The following ZDHHC14 variants were observed in gnomAD, a reference collection of about 807,000 sequenced individuals.
The protein encoded by ZDHHC14 is palmitoyltransferase ZDHHC14.
A neutral mutation model predicts 47.7 loss-of-function variants in ZDHHC14; 16 were observed. The observed-to-expected ratio is 0.34, with a 90% CI of 0.23 to 0.51. The LOEUF (loss-of-function observed/expected upper bound fraction) is 0.51, where lower values mean the gene tolerates loss of function less well. ZDHHC14 is among the 20% of genes least tolerant of loss of function. The pLI is 0.97. For synonymous variants in ZDHHC14, 293 were observed against 278.9 expected, an observed-to-expected ratio of 1.05 and a Z score of -0.50; for missense variants, 515 against 662.5, an observed-to-expected ratio of 0.78 and a Z score of 2.44.
chr6:157,495,564 T>C (rs1780042120), intron 1 of ZDHHC14, among the ~76,000 whole-genome samples: 2 of 152,034 alleles, frequency 1.3e-5, no homozygotes, highest in Admixed American at 1.3e-4. Flanking sequence ...AAGGAGGTTG[T>C]TGGATGGCCA....
intron 8 of ZDHHC14, among the ~76,000 whole-genome samples, chr6:157,660,900 A>G (rs1407629221): frequency 6.6e-6 from 1 of 152,240 alleles, no homozygotes; most frequent in East Asian, 1.9e-4. Context: ...TACATGGTCT[A>G]TTCAGAGAAA....
chr6:157,397,695 T>C (rs1777549911), intron 1 of ZDHHC14, among the ~76,000 whole-genome samples: 1 of 152,184 alleles, frequency 6.6e-6, no homozygotes, highest in Non-Finnish European at 1.5e-5. Context: ...GGGATTAGGA[T>C]GTGGATGTTT....
At chr6:157,411,336 G>A (rs1777866124) in intron 1 of ZDHHC14, among the ~76,000 whole-genome samples, 1 of 152,212 alleles carries the variant, frequency 6.6e-6, no homozygotes, top group African/African-American at 2.4e-5. Flanking sequence ...GAGAGTGGGG[G>A]TTGGGGGCTG....
intron 8 of ZDHHC14, 92 bp from the exon 9 acceptor site, chr6:157,672,632 C>CA: frequency 3.5e-5 from 10 of 288,336 alleles, no homozygotes; most frequent in East Asian, 1.3e-4. Context: ...GCACCCCACC[C>CA]TCCCCGCCCG....
At chr6:157,484,375 TAC>T (rs1270524775) in intron 1 of ZDHHC14, among the ~76,000 whole-genome samples, 180 of 146,552 alleles carry the variant, frequency 1.2e-3, no homozygotes, top group African/African-American at 4.4e-3. Flanking sequence ...TACGTATATA[TAC>T]ACACATATAT....
chr6:157,529,596 A>G (rs1210712051), intron 1 of ZDHHC14, among the ~76,000 whole-genome samples: 1 of 152,218 alleles, frequency 6.6e-6, no homozygotes, highest in Admixed American at 6.5e-5. Flanking sequence ...TCAATGAGCG[A>G]CTTTGTCACC....
chr6:157,633,027 G>A lies in ZDHHC14; in HGVS notation c.752+145G>A, dbSNP rs574693654. 1.8e-4 allele frequency: 156 copies of A among 846,960 alleles called. No individual in the cohort carries two copies. In the African/African-American group the frequency reaches 2.2e-3, roughly 12 times the overall value. 52.5% of individuals were successfully genotyped at this position (846,960 alleles called of 1,614,324 possible). ...AGAACTCCCTCAGATTCACTGGCACGAGTAGTAGCTTCTGACTACTTCCAT... is the reference window on the plus strand; with the variant it reads ...AGAACTCCCTCAGATTCACTGGCACAAGTAGTAGCTTCTGACTACTTCCAT... On this transcript the variant is annotated intron_variant, in intron 5 of 8. Coordinates refer to ENST00000359775, the MANE Select transcript of ZDHHC14 (RefSeq NM_024630.3).
In ZDHHC14 at chr6:157,628,464, C is replaced by A; in HGVS notation, c.681C>A (p.Phe227Leu). 1 of 1,612,652 alleles carries A rather than the reference C, an allele frequency of 6.2e-7. No homozygotes were observed. The highest frequency in any genetic ancestry group is 8.5e-7 in the Non-Finnish European group (1 of 1,179,750). Residue 227 changes from phenylalanine (F) to leucine (L), a missense_variant, in exon 4 of 9, where the codon TTC (phenylalanine) becomes TTA (leucine). Physicochemically the swap from Phe to Leu is conservative, Grantham distance 22. Around this residue, in one of 4 missense-constraint regions of ZDHHC14, gnomAD observed 229 missense variants for 351.5 expected, o/e 0.65. Transcript: ENST00000359775. ...TTCTGACAGTCTTTATATTTGCATTCGTTATCACCCACGTCATTCTTCGTA... is the reference window on the plus strand; with the variant it reads ...TTCTGACAGTCTTTATATTTGCATTAGTTATCACCCACGTCATTCTTCGTA... Reference protein sequence around the residue: ...LSFLTVFIFAFVITHVILRSQ... With the variant: ...LSFLTVFIFALVITHVILRSQ...
chr6:157,549,527 T>C (rs1782136561), intron 2 of ZDHHC14, among the ~76,000 whole-genome samples: 1 of 152,108 alleles, frequency 6.6e-6, no homozygotes, highest in Non-Finnish European at 1.5e-5. Flanking sequence ...AAAATGTAGC[T>C]TCCTTGTCTG....
chr6:157,391,416 C>A (rs1777416654), intron 1 of ZDHHC14, among the ~76,000 whole-genome samples: 1 of 152,126 alleles, frequency 6.6e-6, no homozygotes, highest in Non-Finnish European at 1.5e-5. Context: ...GATTCTGACC[C>A]TTTTATACCA....
At chr6:157,533,322 G>A (rs1408980800) in intron 1 of ZDHHC14, among the ~76,000 whole-genome samples, 1 of 152,124 alleles carries the variant, frequency 6.6e-6, no homozygotes, top group African/African-American at 2.4e-5. Context: ...TGTGCCAAGT[G>A]GGGATAAGTG....
chr6:157,438,212 G>T (rs1351945616), intron 1 of ZDHHC14, among the ~76,000 whole-genome samples: 2 of 152,134 alleles, frequency 1.3e-5, no homozygotes, highest in Non-Finnish European at 2.9e-5. Context: ...AGGTTGCTAA[G>T]GTGTCACAAA....
At chr6:157,513,222 G>T (rs1188055145) in intron 1 of ZDHHC14, among the ~76,000 whole-genome samples, 2 of 152,224 alleles carry the variant, frequency 1.3e-5, no homozygotes, top group Non-Finnish European at 2.9e-5. Context: ...TCTGTAAGAT[G>T]AAAACAAAAT....
intron 1 of ZDHHC14, among the ~76,000 whole-genome samples, chr6:157,475,826 C>A (rs1160334369): frequency 6.6e-6 from 1 of 151,988 alleles, no homozygotes; most frequent in Non-Finnish European, 1.5e-5. Context: ...AAACAACATG[C>A]CCTTAGACAA....
intron 1 of ZDHHC14, among the ~76,000 whole-genome samples, chr6:157,495,273 C>A (rs1437673260): frequency 6.6e-6 from 1 of 151,852 alleles, no homozygotes; most frequent in Non-Finnish European, 1.5e-5. Flanking sequence ...TTTTTTAAAG[C>A]AGTCTAAAAT....
rs559059754 is a variant in ZDHHC14, at chr6:157,393,514, G to A, written c.245+11248G>A. Among the ~76,000 whole-genome samples, 4 of 152,340 alleles carry A rather than the reference G, an allele frequency of 2.6e-5. No homozygotes were observed. In the East Asian group the frequency reaches 7.7e-4, roughly 29 times the overall value. On this transcript the variant is annotated intron_variant, in intron 1 of 8. Transcript: ENST00000359775. Reference sequence around the variant, plus strand: ...GCTTATTTTAACACTAAATACCAGCGTCTATTGGAGATGTTACTTCTACTT... The same window carrying A: ...GCTTATTTTAACACTAAATACCAGCATCTATTGGAGATGTTACTTCTACTT...
chr6:157,407,281 G>A (rs2114753732), intron 1 of ZDHHC14, among the ~76,000 whole-genome samples: 1 of 152,272 alleles, frequency 6.6e-6, no homozygotes, highest in Middle Eastern at 3.4e-3. Context: ...CCGCCCCTGG[G>A]AAGGGAGTGA....
intron 1 of ZDHHC14, among the ~76,000 whole-genome samples, chr6:157,450,982 T>G (rs1778789708): frequency 6.7e-6 from 1 of 150,082 alleles, no homozygotes; most frequent in African/African-American, 2.4e-5. Flanking sequence ...TAAATTTTGA[T>G]GTCAAAAGTC....
chr6:157,653,514 T>C lies in ZDHHC14; in HGVS notation c.966-11T>C, dbSNP rs1777936240. 2 of 1,613,140 alleles carry C rather than the reference T, an allele frequency of 1.2e-6. No homozygotes were observed. Among genetic ancestry groups the C allele is most frequent in the African/African-American group, 2.7e-5 (2 of 74,892 alleles). On this transcript the variant is annotated splice_polypyrimidine_tract_variant and intron_variant, in intron 7 of 8. Coordinates refer to ENST00000359775, the MANE Select transcript of ZDHHC14 (RefSeq NM_024630.3). Reference sequence around the variant, plus strand: ...CACTCTCTTCCTGCTGTGTTTTCTTTTCTCTCGCAGCCTGATCGACAGAAG... The same window carrying C: ...CACTCTCTTCCTGCTGTGTTTTCTTCTCTCTCGCAGCCTGATCGACAGAAG...
Sources: allele counts gnomAD v4.1 joint callset (sites outside exome capture counted in the v4.1 genomes callset), GRCh38; gene constraint gnomAD v4.1.1; regional missense constraint gnomAD v4.1.1; transcripts MANE v1.5; gene names NCBI Gene and HGNC (gene_info 2026-07-23, HGNC 2026-07-21).